Variants in MYO15B observed in about 807,000 individuals in gnomAD.
MYO15B encodes the protein myosin XVB.
Under a neutral mutation model 119.3 loss-of-function variants are expected in MYO15B, and 207 were observed. That is an observed-to-expected ratio of 1.73 (90% CI 1.55 to 1.95). The LOEUF (loss-of-function observed/expected upper bound fraction) is 1.95, where lower values mean the gene tolerates loss of function less well. Among genes scored for constraint, MYO15B ranks in the 30% most tolerant of loss-of-function variants. The pLI is 0.00. For synonymous variants in MYO15B, 966 were observed against 498.9 expected, an observed-to-expected ratio of 1.94 and a Z score of -12.48; for missense variants, 2,264 against 1,203.1, an observed-to-expected ratio of 1.88 and a Z score of -13.04.
chr17:75,592,651 G>A (rs541282611), intron 8 of MYO15B, 28 bp from the exon 9 acceptor site: 37 of 678,574 alleles, frequency 5.5e-5, no homozygotes, highest in East Asian at 2.2e-4. Flanking sequence ...GGCAGGCCCC[G>A]CTCCCTCACC....
chr17:75,594,759 G>T, exon 11 of MYO15B: 1 of 703,062 alleles, frequency 1.4e-6, no homozygotes, highest in Non-Finnish European at 2.6e-6. Flanking sequence ...TTTGATGCCA[G>T]GTGGCCCTAG....
At chr17:75,611,151 C>T (rs183224988) in intron 23 of MYO15B, among the ~76,000 whole-genome samples, 192 bp downstream of exon 23, 5 of 151,942 alleles carry the variant, frequency 3.3e-5, no homozygotes, top group Non-Finnish European at 5.9e-5. Context: ...TCTGTTTGTT[C>T]GAGTGTCCAG....
chr17:75,614,063 G>A, intron 29 of MYO15B, 136 bp from the exon 30 acceptor site: 1 of 620,050 alleles, frequency 1.6e-6, no homozygotes, highest in East Asian at 2.7e-5. Context: ...CCACTGCTGA[G>A]CAAACCTGGG....
rs761075262 is a variant in MYO15B at position 75,624,793 on chromosome 17, G to A, written c.8565G>A (p.Gln2855=). 4.0e-5 allele frequency: 28 copies of A among 702,848 alleles called. 1 individual carries two copies. Among genetic ancestry groups the A allele is most frequent in the South Asian group, 3.3e-4 (22 of 67,604 alleles). 43.5% of individuals were successfully genotyped at this position (702,848 alleles called of 1,614,324 possible). A position where few individuals can be genotyped will look rare whatever the true frequency, so the allele number is the denominator to read the frequency against. The stretch of plus-strand genomic sequence containing the variant: ...CAGGCCAGCTGGTGCGGCCCCTGCA[G>A]CCCGCCGAATACCTCAACAGCGTGG... The change falls in exon 59 of 64, where the codon CAG becomes CAA. Residue 2855 remains glutamine, a synonymous_variant. Coordinates refer to ENST00000645453, the Ensembl canonical transcript of MYO15B.
exon 46 of MYO15B, chr17:75,619,781 A>T: frequency 2.8e-6 from 2 of 702,844 alleles, no homozygotes; most frequent in Non-Finnish European, 5.2e-6. Flanking sequence ...GACCAGCTGA[A>T]GATTCTCTGC....
intron 22 of MYO15B, 83 bp from the exon 23 acceptor site, chr17:75,610,817 G>A (rs2057979123): frequency 1.0e-5 from 7 of 700,330 alleles, no homozygotes; most frequent in Non-Finnish European, 1.8e-5. Flanking sequence ...GGCAGGAGGG[G>A]ACAGCTGAAC....
At chr17:75,596,501 C>T (rs1214381737) in exon 13 of MYO15B, 7 of 702,904 alleles carry the variant, frequency 1.0e-5, no homozygotes, top group Non-Finnish European at 1.8e-5. Flanking sequence ...GCAACAACCT[C>T]GCCAGCGAGC....
chr17:75,596,508 G>A (rs915495789), exon 13 of MYO15B: 2 of 703,050 alleles, frequency 2.8e-6, no homozygotes, highest in Non-Finnish European at 5.2e-6. Context: ...CCTCGCCAGC[G>A]AGCGCCTACA....
chr17:75,607,252 A>T (rs2057715490), intron 21 of MYO15B: 2 of 329,776 alleles, frequency 6.1e-6, no homozygotes, highest in Admixed American at 4.9e-5. Flanking sequence ...GCCCCTGGTA[A>T]CTTTCAGTCT....
At chr17:75,611,104 T>C (rs2147965327) in intron 23 of MYO15B, 145 bp downstream of exon 23, 1 of 651,248 alleles carries the variant, frequency 1.5e-6, no homozygotes, top group Non-Finnish European at 2.8e-6. Flanking sequence ...ACCGGGGTGC[T>C]CTTGGCTCTT....
intron 28 of MYO15B, 21 bp downstream of exon 28, chr17:75,613,492 A>G: frequency 1.5e-6 from 1 of 666,464 alleles, no homozygotes; most frequent in East Asian, 2.7e-5. Context: ...CCTCTGGCTG[A>G]GGCCTCCCAG....
In MYO15B at chr17:75,615,680, C is replaced by G. The variant is rs114005549; in HGVS notation, c.5839-13C>G. The G allele has an allele frequency of 0.012, 7,832 of 671,776 alleles. 247 individuals carry two copies. The highest frequency in any genetic ancestry group is 0.083 in the African/African-American group (4,738 of 56,820). The allele number at this position is 671,776 out of a possible 1,614,324, so 41.6% of individuals were successfully genotyped here. A position where few individuals can be genotyped will look rare whatever the true frequency, so the allele number is the denominator to read the frequency against. On this transcript the variant is annotated splice_polypyrimidine_tract_variant and intron_variant, in intron 35 of 63. Coordinates refer to ENST00000645453, the Ensembl canonical transcript of MYO15B. ...GGGATGAGGGTCTGAACTGGCTGCT[C>G]CTCCTGCTTCAGGCCCAGCAGATGA...
At chr17:75,598,420 T>C (rs1171704676) in intron 14 of MYO15B, among the ~76,000 whole-genome samples, 2 of 145,486 alleles carry the variant, frequency 1.4e-5, no homozygotes, top group East Asian at 4.1e-4. Flanking sequence ...CTACTAAAAA[T>C]ACAAAAAATT....
chr17:75,591,702 G>C (rs773799886), exon 5 of MYO15B: 1 of 702,956 alleles, frequency 1.4e-6, no homozygotes, highest in East Asian at 2.7e-5. Flanking sequence ...ACGGGGAACC[G>C]AGAGTGTCAG....
intron 15 of MYO15B, 163 bp from the exon 16 acceptor site, chr17:75,602,354 G>C (rs1425975234): frequency 1.4e-6 from 1 of 699,938 alleles, no homozygotes; most frequent in Non-Finnish European, 2.6e-6. Flanking sequence ...GGAAAGTCCA[G>C]TGGCAGACCC....
intron 25 of MYO15B, among the ~76,000 whole-genome samples, chr17:75,612,433 G>A (rs1000645401): frequency 2.0e-5 from 3 of 152,170 alleles, no homozygotes; most frequent in Non-Finnish European, 4.4e-5. Context: ...GCACTTTTGG[G>A]AGGCCGAGGT....
chr17:75,596,928 C>T, intron 14 of MYO15B, 29 bp downstream of exon 14: 2 of 675,248 alleles, frequency 3.0e-6, no homozygotes, highest in Non-Finnish European at 5.4e-6. Context: ...ACCCCCCACC[C>T]AGTGTCGGGA....
chr17:75,616,058 G>A lies in MYO15B; in HGVS notation c.6031-11G>A, dbSNP rs1241382586. ...GCTGGCTGAGCTGCCACTCATTTCTGCTTCTGCCAGGAGACCTCCGAGGAG... is the reference window on the plus strand; with the variant it reads ...GCTGGCTGAGCTGCCACTCATTTCTACTTCTGCCAGGAGACCTCCGAGGAG... On this transcript the variant is annotated splice_polypyrimidine_tract_variant and intron_variant, in intron 36 of 63. Coordinates refer to ENST00000645453, the Ensembl canonical transcript of MYO15B. The A allele has an allele frequency of 1.4e-5, 8 of 580,196 alleles. No individual in the cohort carries two copies. Among genetic ancestry groups the A allele is most frequent in the Non-Finnish European group, 2.4e-5 (8 of 326,794 alleles). 35.9% of individuals were successfully genotyped at this position (580,196 alleles called of 1,614,324 possible).
chr17:75,598,216 C>T (rs572587114), intron 14 of MYO15B, among the ~76,000 whole-genome samples: 3 of 148,050 alleles, frequency 2.0e-5, no homozygotes, highest in African/African-American at 7.5e-5. Flanking sequence ...TGCAGTGAGC[C>T]GAGATCGTGC....
Sources: allele counts gnomAD v4.1 joint callset (sites outside exome capture counted in the v4.1 genomes callset), GRCh38; gene constraint gnomAD v4.1.1; transcripts MANE v1.5; gene names NCBI Gene and HGNC (gene_info 2026-07-23, HGNC 2026-07-21).